Variants in PXYLP1 observed in about 807,000 individuals in gnomAD.
PXYLP1 encodes acid phosphatase-like 2.
PXYLP1 carries 17 observed loss-of-function variants against 37.9 expected under a neutral mutation model. The observed-to-expected ratio is 0.45, with a 90% CI of 0.31 to 0.67. PXYLP1 has a LOEUF of 0.67. Among genes scored for constraint, PXYLP1 ranks in the 30% least tolerant of loss-of-function variants. PXYLP1 has a pLI of 0.07. For missense variants in PXYLP1, 511 were observed against 612.0 expected (o/e 0.84, Z 1.74); for synonymous variants, 221 against 232.2 (o/e 0.95, Z 0.44).
chr3:141,245,511 C>G (rs1940915307), intron 1 of PXYLP1, among the ~76,000 whole-genome samples: 1 of 152,196 alleles, frequency 6.6e-6, no homozygotes, highest in African/African-American at 2.4e-5. Flanking sequence ...TTTCTCTGTT[C>G]ATTGCATTCT....
chr3:141,253,116 A>G (rs1941181063), intron 1 of PXYLP1, among the ~76,000 whole-genome samples: 1 of 152,110 alleles, frequency 6.6e-6, no homozygotes, highest in Non-Finnish European at 1.5e-5. Flanking sequence ...TTCCCGCTCC[A>G]TCCTGCAGCT....
At chr3:141,252,065 CATT>C (rs1448139630) in intron 1 of PXYLP1, among the ~76,000 whole-genome samples, 1 of 152,156 alleles carries the variant, frequency 6.6e-6, no homozygotes, top group African/African-American at 2.4e-5. Context: ...AACTGTGGCT[CATT>C]ATCACGTAGA....
intron 1 of PXYLP1, among the ~76,000 whole-genome samples, chr3:141,249,920 G>A (rs774965523): frequency 3.3e-5 from 5 of 151,950 alleles, no homozygotes; most frequent in Non-Finnish European, 5.9e-5. Flanking sequence ...CTGGCCCTGA[G>A]AAATGATCAG....
intron 2 of PXYLP1, 146 bp downstream of exon 2, chr3:141,260,400 A>C: frequency 1.1e-6 from 1 of 903,050 alleles, no homozygotes; most frequent in Non-Finnish European, 1.6e-6. Flanking sequence ...GGCCGGTTGC[A>C]AGGAGGGATC....
intron 2 of PXYLP1, chr3:141,262,795 T>C: frequency 8.8e-7 from 1 of 1,129,992 alleles, no homozygotes; most frequent in Non-Finnish European, 1.3e-6. Flanking sequence ...TTAATTGCTT[T>C]ATTGGTTGCT....
chr3:141,234,652 G>A (rs992215560), intron 1 of PXYLP1, among the ~76,000 whole-genome samples: 4 of 152,192 alleles, frequency 2.6e-5, no homozygotes, highest in African/African-American at 9.7e-5. Flanking sequence ...TCTCTTGGAG[G>A]TGGCTATAAC....
intron 1 of PXYLP1, among the ~76,000 whole-genome samples, chr3:141,240,626 G>A (rs1940772585): frequency 6.6e-6 from 1 of 152,136 alleles, no homozygotes; most frequent in African/African-American, 2.4e-5. Flanking sequence ...ATCACAATTA[G>A]CTGGCAGTCT....
intron 5 of PXYLP1, among the ~76,000 whole-genome samples, chr3:141,289,158 C>G (rs1942142853): frequency 6.6e-6 from 1 of 152,030 alleles, no homozygotes; most frequent in Non-Finnish European, 1.5e-5. Context: ...CATGTCAGGA[C>G]ATGGTTTTTC....
At chr3:141,269,590 A>C (rs909134844) in intron 2 of PXYLP1, among the ~76,000 whole-genome samples, 1 of 152,080 alleles carries the variant, frequency 6.6e-6, no homozygotes, top group Non-Finnish European at 1.5e-5. Context: ...GCATTGTCCC[A>C]TGGGGTTTCA....
chr3:141,244,363 AC>A (rs1457278095), intron 1 of PXYLP1, among the ~76,000 whole-genome samples: 1 of 136,404 alleles, frequency 7.3e-6, no homozygotes, highest in Non-Finnish European at 1.5e-5. Flanking sequence ...GTCATTACTC[AC>A]CTTTTTTTTT....
At chr3:141,283,827 A>C (rs910533286) in intron 4 of PXYLP1, among the ~76,000 whole-genome samples, 5 of 151,770 alleles carry the variant, frequency 3.3e-5, no homozygotes, top group South Asian at 2.1e-4. Flanking sequence ...AATAAACAAT[A>C]AATGTTCTCA....
At position 141,244,651 on chromosome 3, in the gene PXYLP1, GT is replaced by G. The variant is rs1305631748; in HGVS notation, c.-54+12743del. Reference sequence around the variant, plus strand: ...TTTAACTTGGCGATATTTCTTGGAGGTTTGTCTGTCCACACCTAAGCCCACT... The same window carrying G: ...TTTAACTTGGCGATATTTCTTGGAGGTTGTCTGTCCACACCTAAGCCCACT... On this transcript the variant is annotated intron_variant, in intron 1 of 5. Coordinates refer to ENST00000286353, the MANE Select transcript of PXYLP1 (RefSeq NM_001037172.3). Among the ~76,000 whole-genome samples, 5 of 149,592 alleles carry G rather than the reference GT, an allele frequency of 3.3e-5. No homozygotes were observed. In the South Asian group the frequency reaches 1.1e-3, roughly 33 times the overall value.
intron 1 of PXYLP1, among the ~76,000 whole-genome samples, chr3:141,244,390 A>G (rs1233592365): frequency 2.0e-5 from 3 of 151,948 alleles, no homozygotes; most frequent in Non-Finnish European, 2.9e-5. Flanking sequence ...TTTGCACCCA[A>G]CATACTATAA....
intron 2 of PXYLP1, chr3:141,274,272 G>A: frequency 7.6e-7 from 1 of 1,311,390 alleles, no homozygotes; most frequent in Non-Finnish European, 9.8e-7. Context: ...CCCGGGGTCT[G>A]CTCCTCCAGG....
intron 3 of PXYLP1, 56 bp downstream of exon 3, chr3:141,278,556 C>T: frequency 1.3e-6 from 2 of 1,592,504 alleles, no homozygotes; most frequent in Non-Finnish European, 8.6e-7. Flanking sequence ...GTTATTCCAG[C>T]AGCATTGCAC....
intron 4 of PXYLP1, among the ~76,000 whole-genome samples, chr3:141,285,771 A>G (rs1462346135): frequency 6.6e-6 from 1 of 152,176 alleles, no homozygotes. Context: ...TGGCAGCCTC[A>G]TTGTCAGTCT....
chr3:141,263,550 G>T (rs924103454), intron 2 of PXYLP1, among the ~76,000 whole-genome samples: 3 of 152,232 alleles, frequency 2.0e-5, no homozygotes, highest in African/African-American at 7.2e-5. Context: ...AAGACTGTCA[G>T]GATGTGAAGA....
chr3:141,291,168 A>T (rs1425287400), intron 5 of PXYLP1, among the ~76,000 whole-genome samples: 1 of 152,062 alleles, frequency 6.6e-6, no homozygotes, highest in Non-Finnish European at 1.5e-5. Context: ...AAGTTGTCTC[A>T]TCTTTGCAGT....
At chr3:141,277,568 G>C (rs10935425) in intron 2 of PXYLP1, among the ~76,000 whole-genome samples, 7 of 151,976 alleles carry the variant, frequency 4.6e-5, no homozygotes, top group African/African-American at 1.7e-4. Context: ...CACCTGTCTC[G>C]AGGAAAGGGA....
Sources: gnomAD v4.1 joint callset for allele counts (sites outside exome capture counted in the v4.1 genomes callset) on GRCh38, gnomAD v4.1.1 for gene constraint, MANE v1.5 for transcripts, NCBI Gene and HGNC (gene_info 2026-07-23, HGNC 2026-07-21) for gene names.